The following UBAP2L variants were observed in gnomAD, a reference collection of about 807,000 sequenced individuals.
UBAP2L encodes the protein ubiquitin associated protein 2 like.
A neutral mutation model predicts 130.6 loss-of-function variants in UBAP2L; 12 were observed. That is an observed-to-expected ratio of 0.09 (90% CI 0.06 to 0.15). The LOEUF (loss-of-function observed/expected upper bound fraction) is 0.15, where lower values mean the gene tolerates loss of function less well. Ranked by LOEUF, UBAP2L falls within the 10% of genes least tolerant of loss-of-function variation. The pLI is 1.00. For synonymous variants in UBAP2L, 503 were observed against 524.7 expected (o/e 0.96, Z 0.57); for missense variants, 965 against 1,332.5 (o/e 0.72, Z 4.29).
chr1:154,255,434 G>A, intron 17 of UBAP2L, 108 bp downstream of exon 17: 7 of 1,418,592 alleles, frequency 4.9e-6, no homozygotes, highest in East Asian at 2.3e-5. Flanking sequence ...CCCTGCTTTT[G>A]TCGTAAGTGG....
chr1:154,270,930 A>G (rs1268525481), downstream of UBAP2L: 1 of 1,550,420 alleles, frequency 6.4e-7, no homozygotes, highest in South Asian at 1.2e-5. Context: ...GTATTACTGT[A>G]CCAACTGGGC....
At chr1:154,255,046 A>G in intron 16 of UBAP2L, 106 bp from the exon 17 acceptor site, 1 of 1,433,446 alleles carries the variant, frequency 7.0e-7, no homozygotes, top group Non-Finnish European at 9.5e-7. Context: ...GTCCATTGTT[A>G]AATAACTCAT....
At chr1:154,228,559 C>T (rs1002004507) in intron 3 of UBAP2L, 56 bp from the exon 4 acceptor site, 3 of 1,336,226 alleles carry the variant, frequency 2.2e-6, no homozygotes, top group Non-Finnish European at 3.2e-6. Flanking sequence ...AGTTTCCTTT[C>T]ATTGGGAGTG....
chr1:154,220,651 G>T (rs1665574808), upstream of UBAP2L: 2 of 571,376 alleles, frequency 3.5e-6, no homozygotes, highest in Admixed American at 3.0e-5. Context: ...ACCCAGGAGC[G>T]TCGAGCGCTC....
chr1:154,259,667 G>C (rs540768996), intron 21 of UBAP2L: 2 of 506,518 alleles, frequency 3.9e-6, no homozygotes, highest in African/African-American at 1.9e-5. Flanking sequence ...TAAACTGATA[G>C]GGATGACACC....
chr1:154,253,391 T>TG (rs1328455768), intron 14 of UBAP2L, among the ~76,000 whole-genome samples: 1 of 150,162 alleles, frequency 6.7e-6, no homozygotes, highest in African/African-American at 2.5e-5. Context: ...AGATTTTTTT[T>TG]TTTTTTTTTT....
intron 1 of UBAP2L, among the ~76,000 whole-genome samples, chr1:154,222,648 T>A (rs1411466689): frequency 1.3e-5 from 2 of 152,192 alleles, no homozygotes; most frequent in Non-Finnish European, 2.9e-5. Context: ...AGAAATTAGT[T>A]GTTCTGTTAG....
chr1:154,257,187 G>T lies in UBAP2L; in HGVS notation c.2282G>T (p.Ser761Ile). Reference protein sequence around the residue: ...SVSSSLNSGSSLGLSLGSNST... With the variant: ...SVSSSLNSGSILGLSLGSNST... ...TCCTCCAGTCTCAATAGTGGCAGTA[G>T]CCTGGGCCTCAGCCTAGGCAGCAAC... The change falls in exon 19 of 27, where the codon AGC becomes ATC. Residue 761 changes from serine (S) to isoleucine (I), a missense_variant. Ser to Ile is a moderately radical substitution (Grantham distance 142). This residue lies in a region of UBAP2L where 393 missense variants were observed against 408.1 expected (regional missense o/e 0.96). Coordinates refer to ENST00000428931, the MANE Select transcript of UBAP2L (RefSeq NM_014847.4). 2 of 1,614,208 alleles carry T rather than the reference G, an allele frequency of 1.2e-6. No homozygotes were observed. Among genetic ancestry groups the T allele is most frequent in the Non-Finnish European group, 8.5e-7 (1 of 1,180,038 alleles).
intron 24 of UBAP2L, among the ~76,000 whole-genome samples, chr1:154,262,542 T>TCAGCTCAGTTA (rs1251226687): frequency 6.6e-6 from 1 of 152,206 alleles, no homozygotes; most frequent in Non-Finnish European, 1.5e-5. Flanking sequence ...TTCAAAGCTG[T>TCAGCTCAGTTA]CAGCTCAGTT....
chr1:154,266,611 TAGA>T, intron 25 of UBAP2L, 43 bp downstream of exon 25: 1 of 1,592,412 alleles, frequency 6.3e-7, no homozygotes, highest in South Asian at 1.1e-5. Context: ...GAGATAGACA[TAGA>T]GGAGGTGGAG....
At chr1:154,231,341 C>T (rs1286418168) in intron 4 of UBAP2L, among the ~76,000 whole-genome samples, 1 of 149,866 alleles carries the variant, frequency 6.7e-6, no homozygotes, top group African/African-American at 2.5e-5. Flanking sequence ...TGCTCTGTTG[C>T]CCAGGCTGGA....
At chr1:154,220,620 G>A (rs1394223674), upstream of UBAP2L, 21 of 597,046 alleles carry the variant, frequency 3.5e-5, no homozygotes, top group Non-Finnish European at 5.7e-5. Flanking sequence ...CCCCTGACAC[G>A]TGACTCAGGC....
chr1:154,229,770 ATTATT>A (rs1669199578), intron 4 of UBAP2L, among the ~76,000 whole-genome samples: 1 of 152,182 alleles, frequency 6.6e-6, no homozygotes, highest in South Asian at 2.1e-4. Context: ...GGCCCAGTGT[ATTATT>A]TTGAAATCAT....
In UBAP2L at chr1:154,255,689, A is replaced by G; in HGVS notation, c.2091A>G (p.Leu697=). ...NTTTTQHSST[L]STQQNTLSSS... ...GCCTCTTTTTTTCTGACAGCACGTTATCTACGCAGCAGAATACCCTTTCAT... is the reference window on the plus strand; with the variant it reads ...GCCTCTTTTTTTCTGACAGCACGTTGTCTACGCAGCAGAATACCCTTTCAT... Residue 697 remains leucine, a synonymous_variant, in exon 18 of 27, where the codon TTA becomes TTG. Transcript: ENST00000428931. 2 of 1,614,186 alleles carry G rather than the reference A, an allele frequency of 1.2e-6. No homozygotes were observed. The highest frequency in any genetic ancestry group is 1.1e-5 in the South Asian group (1 of 91,084).
At position 154,225,255 on chromosome 1, in the gene UBAP2L, T is replaced by A. The variant is rs375406029; in HGVS notation, c.90+42T>A. ...ATACGGATTCATGGATAGCGTTGCCTGCTGATACTGGTTTCCATGCAGTAC... is the reference window on the plus strand; with the variant it reads ...ATACGGATTCATGGATAGCGTTGCCAGCTGATACTGGTTTCCATGCAGTAC... On this transcript the variant is annotated intron_variant, in intron 2 of 26. Transcript: ENST00000428931. The A allele has an allele frequency of 3.8e-6, 6 of 1,597,496 alleles. No homozygotes were observed. The Admixed American group carries it at 8.4e-5, about 22-fold the overall frequency.
chr1:154,220,333 TCTC>T (rs776368653), upstream of UBAP2L: 43 of 1,613,876 alleles, frequency 2.7e-5, no homozygotes, highest in African/African-American at 6.7e-5. Flanking sequence ...GGTGGGGTAA[TCTC>T]CTCACCAGGC....
rs1674214377 is a variant in UBAP2L, at chr1:154,243,357, T to C, written c.842+55T>C. Reference sequence around the variant, plus strand: ...TCTTAAACACATCTGCTGAGATTACTGTAAAGAGAAGTGGCACTGGCCTTT... The same window carrying C: ...TCTTAAACACATCTGCTGAGATTACCGTAAAGAGAAGTGGCACTGGCCTTT... On this transcript the variant is annotated intron_variant, in intron 10 of 26. Transcript: ENST00000428931. 6.5e-6 allele frequency: 10 copies of C among 1,541,322 alleles called. 1 individual carries two copies. The highest frequency in any genetic ancestry group is 8.9e-6 in the Non-Finnish European group (10 of 1,120,268).
Position 154,257,407 on chromosome 1 carries a change from G to T in UBAP2L, c.2415G>T (p.Met805Ile), listed in dbSNP as rs1680003822. The T allele has an allele frequency of 6.2e-7, 1 of 1,612,858 alleles. No individual in the cohort carries two copies. The highest frequency in any genetic ancestry group is 1.7e-5 in the Admixed American group (1 of 60,002). The change falls in exon 20 of 27, where the codon ATG becomes ATT. Residue 805 changes from methionine to isoleucine, a missense_variant. Transcript: ENST00000428931. ...VPPLLPNPYI[M>I]APGLLHAYPP... ...CGTTGTTGCCTAATCCGTATATTAT[G>T]GCTCCAGGGCTGTTACATGCCTACC...
At chr1:154,268,690 T>A in intron 25 of UBAP2L, 67 bp from the exon 26 acceptor site, 3 of 1,536,618 alleles carry the variant, frequency 2.0e-6, no homozygotes, top group Admixed American at 1.7e-5. Flanking sequence ...GAGCTTGAGC[T>A]CAGGAAAAAT....
Sources: gnomAD v4.1 joint callset for allele counts (sites outside exome capture counted in the v4.1 genomes callset) on GRCh38, gnomAD v4.1.1 for gene constraint, gnomAD v4.1.1 regional missense constraint, MANE v1.5 for transcripts, NCBI Gene and HGNC (gene_info 2026-07-23, HGNC 2026-07-21) for gene names.